The following MAP3K13 variants were observed in gnomAD, a reference collection of about 807,000 sequenced individuals.
MAP3K13 encodes the protein mitogen-activated protein kinase kinase kinase 13, also known as leucine zipper-bearing kinase.
Under a neutral mutation model 104.0 loss-of-function variants are expected in MAP3K13, and 52 were observed. The observed-to-expected ratio is 0.50, with a 90% CI of 0.40 to 0.63. The LOEUF (loss-of-function observed/expected upper bound fraction) is 0.63. MAP3K13 is among the 20% of genes least tolerant of loss of function. The probability of loss-of-function intolerance (pLI) is 0.00; values close to 1 mark genes in which losing one functional copy is unlikely to be tolerated. For missense variants in MAP3K13, 914 were observed against 1,218.5 expected (o/e 0.75, Z 3.72); for synonymous variants, 394 against 442.2 (o/e 0.89, Z 1.37).
intron 7 of MAP3K13, among the ~76,000 whole-genome samples, chr3:185,455,171 GATATATATGATATATATGAGAT>G (rs1560118591): frequency 0.051 from 1,414 of 27,964 alleles, 58 homozygotes; most frequent in Non-Finnish European, 0.063. Context: ...ATATATATGA[GATATATATGATATATATGAGAT>G]ATATATATGA....
Position 185,483,543 on chromosome 3 carries a change from G to A in MAP3K13, c.*1087G>A, listed in dbSNP as rs938170927. 2 of 225,994 alleles carry A rather than the reference G, an allele frequency of 8.8e-6. No homozygotes were observed. Among genetic ancestry groups the A allele is most frequent in the Non-Finnish European group, 1.8e-5 (2 of 113,656 alleles). 14.0% of individuals were successfully genotyped at this position (225,994 alleles called of 1,614,324 possible). ...TCACTCAGTTCAGCTACGAGGAGAA[G>A]ATGGAACCACCCCTCTCTGGAGCCA... On this transcript the variant is annotated 3_prime_UTR_variant, in exon 14 of 14. Coordinates refer to ENST00000265026, the MANE Select transcript of MAP3K13 (RefSeq NM_004721.5).
intron 2 of MAP3K13, among the ~76,000 whole-genome samples, chr3:185,310,257 G>T (rs1721449290): frequency 6.6e-6 from 1 of 152,114 alleles, no homozygotes; most frequent in Non-Finnish European, 1.5e-5. Context: ...TGTTCACCTG[G>T]TTGCCTGACA....
At chr3:185,326,754 A>G (rs1034961502) in intron 2 of MAP3K13, among the ~76,000 whole-genome samples, 2 of 152,188 alleles carry the variant, frequency 1.3e-5, no homozygotes, top group Non-Finnish European at 1.5e-5. Context: ...ACTTGGTTTA[A>G]TGTAGCTCAT....
chr3:185,367,513 T>C (rs1723945647), intron 1 of MAP3K13, among the ~76,000 whole-genome samples: 1 of 152,084 alleles, frequency 6.6e-6, no homozygotes, highest in Admixed American at 6.5e-5. Flanking sequence ...TGTTATTCAC[T>C]CAAAGAGTGA....
intron 11 of MAP3K13, 97 bp from the exon 12 acceptor site, chr3:185,477,229 T>C: frequency 2.5e-6 from 2 of 790,104 alleles, no homozygotes; most frequent in South Asian, 1.4e-5. Flanking sequence ...TGAATGACTT[T>C]TGATGATAAT....
chr3:185,348,777 C>T (rs1409567062), intron 2 of MAP3K13, among the ~76,000 whole-genome samples: 4 of 152,006 alleles, frequency 2.6e-5, no homozygotes, highest in South Asian at 4.2e-4. Context: ...ATTAGCTGGG[C>T]GTGGTGGCGG....
Position 185,418,769 on chromosome 3 carries a change from C to T in MAP3K13, c.-85-9728C>T, listed in dbSNP as rs1713953507. On this transcript the variant is annotated intron_variant, in intron 1 of 13. Transcript: ENST00000265026. This position sits in a 1 kb window ranked among gnomAD's most constrained non-coding sequence, Gnocchi z 4.5. Reference sequence around the variant, plus strand: ...GAGTACACCGATATCATTGGGCGAGCACACGCCATGGCGGAGAGAGGAGAC... The same window carrying T: ...GAGTACACCGATATCATTGGGCGAGTACACGCCATGGCGGAGAGAGGAGAC... 9.3e-6 allele frequency: 15 copies of T among 1,604,554 alleles called. No individual in the cohort carries two copies. Among genetic ancestry groups the T allele is most frequent in the Non-Finnish European group, 1.3e-5 (15 of 1,173,040 alleles).
intron 2 of MAP3K13, among the ~76,000 whole-genome samples, chr3:185,348,183 T>G (rs1723006857): frequency 6.6e-6 from 1 of 152,224 alleles, no homozygotes; most frequent in Admixed American, 6.5e-5. Flanking sequence ...TATATTTTAC[T>G]GGTTTTCTGG....
chr3:185,393,435 T>C (rs1712187230), intron 1 of MAP3K13, among the ~76,000 whole-genome samples: 1 of 151,752 alleles, frequency 6.6e-6, no homozygotes, highest in Non-Finnish European at 1.5e-5. Context: ...GCATTACTAT[T>C]TGCTATATTT....
intron 2 of MAP3K13, among the ~76,000 whole-genome samples, chr3:185,331,582 G>T (rs1722284212): frequency 6.6e-6 from 1 of 152,124 alleles, no homozygotes; most frequent in Admixed American, 6.5e-5. Flanking sequence ...TATTGTCAGT[G>T]CCTAGGATAG....
rs763110854 is a variant in MAP3K13 at position 185,486,328 on chromosome 3, G to A, written c.*3872G>A. The A allele has an allele frequency of 2.6e-5, 4 of 152,272 alleles. No individual in the cohort carries two copies. The highest frequency in any genetic ancestry group is 2.1e-4 in the South Asian group (1 of 4,826). 9.4% of individuals were successfully genotyped at this position (152,272 alleles called of 1,614,324 possible). A position where few individuals can be genotyped will look rare whatever the true frequency, so the allele number is the denominator to read the frequency against. On this transcript the variant is annotated 3_prime_UTR_variant, in exon 14 of 14. Coordinates refer to ENST00000265026, the MANE Select transcript of MAP3K13 (RefSeq NM_004721.5). The stretch of plus-strand genomic sequence containing the variant: ...AATCTCAGTCATTCATTGTATAGTC[G>A]AGAGTTGAATAAAGTCCATATTGAA...
rs995645526 is a variant in MAP3K13, at chr3:185,423,770, G to T, written c.-85-4727G>T. On this transcript the variant is annotated intron_variant, in intron 1 of 13. Transcript: ENST00000265026. The surrounding 1 kb of genome is among the most constrained non-coding windows in gnomAD (Gnocchi z 4.1). ...TGTATCGTAAGCTTTCAGAGCCCAC[G>T]TGTGGCAGCAGGAGTTACCCTTGCT... Among the ~76,000 whole-genome samples the T allele has an allele frequency of 2.0e-5, 3 of 152,134 alleles. No homozygotes were observed. The highest frequency in any genetic ancestry group is 7.2e-5 in the African/African-American group (3 of 41,424).
intron 7 of MAP3K13, among the ~76,000 whole-genome samples, chr3:185,456,990 G>A (rs539647635): frequency 6.6e-5 from 10 of 152,132 alleles, no homozygotes; most frequent in Non-Finnish European, 1.3e-4. Flanking sequence ...CCATTAAGAC[G>A]GTCAATATAA....
intron 7 of MAP3K13, among the ~76,000 whole-genome samples, chr3:185,454,535 G>T (rs1168271116): frequency 9.2e-5 from 9 of 97,696 alleles, no homozygotes; most frequent in African/African-American, 3.9e-4. Flanking sequence ...ATATATATGA[G>T]ATATATATAT....
At chr3:185,409,511 A>T (rs1713307679) in intron 1 of MAP3K13, among the ~76,000 whole-genome samples, 1 of 152,222 alleles carries the variant, frequency 6.6e-6, no homozygotes, top group African/African-American at 2.4e-5. Flanking sequence ...TGCATAGAAA[A>T]TGGAACTGTT....
intron 1 of MAP3K13, among the ~76,000 whole-genome samples, chr3:185,408,352 T>C (rs1713238580): frequency 6.6e-6 from 1 of 151,928 alleles, no homozygotes; most frequent in Non-Finnish European, 1.5e-5. Context: ...CGGGTGGATC[T>C]CTTGAGGTCA....
intron 2 of MAP3K13, chr3:185,292,809 C>T (rs1577398225): frequency 3.0e-6 from 3 of 984,964 alleles, no homozygotes; most frequent in Non-Finnish European, 3.6e-6. Flanking sequence ...AGAAGGAGCA[C>T]GAATATATAT....
At chr3:185,401,301 G>C (rs1251254902) in intron 1 of MAP3K13, among the ~76,000 whole-genome samples, 1 of 152,192 alleles carries the variant, frequency 6.6e-6, no homozygotes, top group African/African-American at 2.4e-5. Context: ...TAAAGGGGGA[G>C]CATTTTCCCT....
At chr3:185,454,548 T>TATATATATG (rs1716190459) in intron 7 of MAP3K13, among the ~76,000 whole-genome samples, 1 of 114,488 alleles carries the variant, frequency 8.7e-6, no homozygotes, top group Admixed American at 1.1e-4. Context: ...ATATATATGA[T>TATATATATG]ATATACACAT....
Sources: allele counts gnomAD v4.1 joint callset (sites outside exome capture counted in the v4.1 genomes callset), GRCh38; gene constraint gnomAD v4.1.1; non-coding constraint Gnocchi (gnomAD v3.1); transcripts MANE v1.5; gene names NCBI Gene and HGNC (gene_info 2026-07-23, HGNC 2026-07-21).